Variants in ITGA1 observed in about 807,000 individuals in gnomAD.
ITGA1 encodes integrin subunit alpha 1.
In ITGA1, 85 loss-of-function variants were observed where a neutral mutation model predicts 145.9. The ratio of observed to expected loss-of-function variants is 0.58; its 90% confidence interval spans 0.49 to 0.70. The LOEUF (loss-of-function observed/expected upper bound fraction) is 0.70, where lower values mean the gene tolerates loss of function less well. ITGA1 is among the 30% of genes least tolerant of loss of function. The probability of loss-of-function intolerance (pLI) is 0.00; values close to 1 mark genes in which losing one functional copy is unlikely to be tolerated. For synonymous variants in ITGA1, 520 were observed against 495.3 expected, an observed-to-expected ratio of 1.05 and a Z score of -0.66; for missense variants, 1,351 against 1,418.7, an observed-to-expected ratio of 0.95 and a Z score of 0.77.
At chr5:52,914,335 C>T (rs1255708874) in intron 14 of ITGA1, among the ~76,000 whole-genome samples, 1 of 151,998 alleles carries the variant, frequency 6.6e-6, no homozygotes, top group Non-Finnish European at 1.5e-5. Context: ...CTGAATTCTT[C>T]ACTTAAAAAA....
intron 11 of ITGA1, 37 bp from the exon 12 acceptor site, chr5:52,905,726 G>T (rs763420554): frequency 1.3e-6 from 2 of 1,568,340 alleles, no homozygotes; most frequent in East Asian, 2.3e-5. Context: ...AGCCTTTAAG[G>T]GTCCAGGTGG....
intron 5 of ITGA1, 108 bp from the exon 6 acceptor site, chr5:52,865,582 G>T: frequency 4.6e-6 from 4 of 867,472 alleles, no homozygotes; most frequent in Middle Eastern, 4.9e-4. Context: ...CTACTTTGGA[G>T]AACATCAGTT....
intron 1 of ITGA1, among the ~76,000 whole-genome samples, chr5:52,824,128 A>G (rs1001269411): frequency 2.0e-5 from 3 of 152,096 alleles, no homozygotes; most frequent in Non-Finnish European, 4.4e-5. Context: ...TATAGTAATC[A>G]TTAAATCAAA....
chr5:52,915,729 A>C (rs902147278), intron 15 of ITGA1, 135 bp downstream of exon 15: 1 of 1,075,600 alleles, frequency 9.3e-7, no homozygotes, highest in South Asian at 1.6e-5. Flanking sequence ...TATTCAGTTG[A>C]GTGAGCTGGA....
rs138645417 is a variant in ITGA1 at position 52,798,499 on chromosome 5, T to C, written c.61+10085T>C. ...ATTTTAGGACGTTTATTTGCCAAAATTAAGGACGTGCGCGGGGAAGACAGG... is the reference window on the plus strand; with the variant it reads ...ATTTTAGGACGTTTATTTGCCAAAACTAAGGACGTGCGCGGGGAAGACAGG... On this transcript the variant is annotated intron_variant, in intron 1 of 28. Coordinates refer to ENST00000282588, the MANE Select transcript of ITGA1 (RefSeq NM_181501.2). 5.9e-5 allele frequency among the ~76,000 whole-genome samples: 9 copies of C among 152,196 alleles called. 1 individual carries two copies. The highest frequency in any genetic ancestry group is 1.9e-4 in the African/African-American group (8 of 41,504).
At chr5:52,892,497 G>C (rs1385126699) in intron 8 of ITGA1, among the ~76,000 whole-genome samples, 1 of 152,098 alleles carries the variant, frequency 6.6e-6, no homozygotes, top group Non-Finnish European at 1.5e-5. Context: ...TTCATTTCTA[G>C]TTATTTACTC....
Position 52,952,494 on chromosome 5 carries a change from A to T in ITGA1, c.*43A>T. 2.1e-6 allele frequency: 2 copies of T among 948,124 alleles called. No homozygotes were observed. Among genetic ancestry groups the T allele is most frequent in the Non-Finnish European group, 3.1e-6 (2 of 636,532 alleles). 58.7% of individuals were successfully genotyped at this position (948,124 alleles called of 1,614,324 possible). A position where few individuals can be genotyped will look rare whatever the true frequency, so the allele number is the denominator to read the frequency against. ...AATAATAACAATTATTCAATAATCT[A>T]TCCTCAGGTTTGCCTCAAATATGTG... On this transcript the variant is annotated 3_prime_UTR_variant, in exon 29 of 29. Transcript: ENST00000282588.
chr5:52,818,291 A>G (rs1580045569), intron 1 of ITGA1, among the ~76,000 whole-genome samples: 1 of 152,250 alleles, frequency 6.6e-6, no homozygotes, highest in Non-Finnish European at 1.5e-5. Context: ...TGGTGTGTAA[A>G]TCACATTGTA....
At chr5:52,865,900 A>G in intron 6 of ITGA1, 83 bp downstream of exon 6, 1 of 1,138,548 alleles carries the variant, frequency 8.8e-7, no homozygotes, top group Non-Finnish European at 1.2e-6. Flanking sequence ...TTCTGAAAGC[A>G]AATTAATCAA....
chr5:52,823,162 A>T (rs1748906765), intron 1 of ITGA1, among the ~76,000 whole-genome samples: 1 of 152,114 alleles, frequency 6.6e-6, no homozygotes, highest in East Asian at 1.9e-4. Flanking sequence ...TCATGGAATG[A>T]CCAAAATGGT....
chr5:52,831,094 T>C (rs1032797613), intron 1 of ITGA1, among the ~76,000 whole-genome samples: 2 of 152,080 alleles, frequency 1.3e-5, no homozygotes, highest in Non-Finnish European at 2.9e-5. Context: ...AGGAAGTTTT[T>C]TACATAGGAA....
chr5:52,872,839 A>T (rs1257765022), intron 6 of ITGA1, among the ~76,000 whole-genome samples: 1 of 151,998 alleles, frequency 6.6e-6, no homozygotes, highest in Non-Finnish European at 1.5e-5. Flanking sequence ...ATTTTCTATG[A>T]TTATCCTACC....
At chr5:52,801,395 A>C (rs1228208165) in intron 1 of ITGA1, 13 of 1,597,860 alleles carry the variant, frequency 8.1e-6, no homozygotes, top group Non-Finnish European at 1.1e-5. Flanking sequence ...TAACTTTTGT[A>C]ATTGTGATTC....
intron 1 of ITGA1, among the ~76,000 whole-genome samples, chr5:52,792,378 A>T (rs1334153013): frequency 6.6e-6 from 1 of 152,190 alleles, no homozygotes. Flanking sequence ...TGTCTTACTC[A>T]TTGTGATGTT....
rs528162032 is a variant in ITGA1, at chr5:52,832,254, T to G, written c.62-17111T>G. On this transcript the variant is annotated intron_variant, in intron 1 of 28. Transcript: ENST00000282588. ...CAACCTGAGATTAGAGAGTTCATAC[T>G]CTGATTGGTCCCCATAGAATTAATC... is the stretch of plus-strand genomic sequence containing the variant. Among the ~76,000 whole-genome samples the G allele has an allele frequency of 1.8e-4, 28 of 152,100 alleles. No individual in the cohort carries two copies. In the South Asian group the frequency reaches 5.8e-3, roughly 32 times the overall value.
chr5:52,873,074 A>G (rs1379552977), intron 6 of ITGA1, among the ~76,000 whole-genome samples: 1 of 152,136 alleles, frequency 6.6e-6, no homozygotes. Context: ...GACATGAGCC[A>G]TTTATGTTGA....
intron 1 of ITGA1, among the ~76,000 whole-genome samples, chr5:52,845,246 A>AG (rs1345350316): frequency 6.6e-6 from 1 of 152,138 alleles, no homozygotes; most frequent in Non-Finnish European, 1.5e-5. Flanking sequence ...AAAATCCTTC[A>AG]GGGGGGTGAA....
intron 1 of ITGA1, chr5:52,803,246 A>C (rs113037250): frequency 6.6e-6 from 1 of 152,178 alleles, no homozygotes. Flanking sequence ...CCTATACTTT[A>C]AAACTCACAT....
chr5:52,952,228 A>G (rs1311067302), intron 28 of ITGA1, among the ~76,000 whole-genome samples, 179 bp from the exon 29 acceptor site: 1 of 152,062 alleles, frequency 6.6e-6, no homozygotes, highest in Non-Finnish European at 1.5e-5. Context: ...CAGCAATTTA[A>G]TAAATGTCAT....
Sources: gnomAD v4.1 joint callset for allele counts (sites outside exome capture counted in the v4.1 genomes callset) on GRCh38, gnomAD v4.1.1 for gene constraint, MANE v1.5 for transcripts, NCBI Gene and HGNC (gene_info 2026-07-23, HGNC 2026-07-21) for gene names.